Variants in ANO2 observed in about 807,000 individuals in gnomAD.
ANO2 encodes the protein anoctamin 2.
A neutral mutation model predicts 124.2 loss-of-function variants in ANO2; 101 were observed. The ratio of observed to expected loss-of-function variants is 0.81; its 90% confidence interval spans 0.69 to 0.96. ANO2 has a LOEUF of 0.96. Ranked by LOEUF, ANO2 falls within the 40% of genes least tolerant of loss-of-function variation. The pLI is 0.00. For missense variants in ANO2, 1,293 were observed against 1,274.5 expected (o/e 1.01, Z -0.22); for synonymous variants, 486 against 482.5 (o/e 1.01, Z -0.09).
At chr12:5,914,199 CAAAAAAGA>C (rs900322985) in intron 3 of ANO2, among the ~76,000 whole-genome samples, 7 of 26,550 alleles carry the variant, frequency 2.6e-4, no homozygotes, top group Admixed American at 1.2e-3. Flanking sequence ...GACTCCATCT[CAAAAAAGA>C]AAAAAAGAAA....
chr12:5,568,136 C>CTTTTTT (rs71445654), intron 23 of ANO2, among the ~76,000 whole-genome samples: 20 of 112,760 alleles, frequency 1.8e-4, no homozygotes, highest in East Asian at 2.3e-4. Context: ...CCACCCTATG[C>CTTTTTT]TTTTTTTTTT....
rs970846095 is a variant in ANO2, at chr12:5,904,761, T to C, written c.534+16279A>G. Reference sequence around the variant, plus strand: ...CCTGCTGGCTCCAGACCCATACACCTGTCTCAGGGGCAGTCCTGAGCAGAC... The same window carrying C: ...CCTGCTGGCTCCAGACCCATACACCCGTCTCAGGGGCAGTCCTGAGCAGAC... On this transcript the variant is annotated intron_variant, in intron 3 of 24. Coordinates refer to ENST00000682330, the MANE Select transcript of ANO2 (RefSeq NM_001364791.2). The surrounding 1 kb of genome is among the most constrained non-coding windows in gnomAD (Gnocchi z 4.1). 6.6e-6 allele frequency among the ~76,000 whole-genome samples: 1 copy of C among 152,166 alleles called. No homozygotes were observed. The highest frequency in any genetic ancestry group is 1.5e-5 in the Non-Finnish European group (1 of 68,038).
intron 2 of ANO2, among the ~76,000 whole-genome samples, chr12:5,921,935 C>G (rs1200986703): frequency 6.6e-6 from 1 of 152,150 alleles, no homozygotes; most frequent in African/African-American, 2.4e-5. Context: ...TATTTAAACA[C>G]AGAATACTCA....
Position 5,900,360 on chromosome 12 carries a change from C to T in ANO2, c.534+20680G>A, listed in dbSNP as rs1284472315. ...TCCGTTTCTGAGCCCCTCCTAGTCA[C>T]GAGAGATTTCACTTTCCATGCCCAG... On this transcript the variant is annotated intron_variant, in intron 3 of 24. Coordinates refer to ENST00000682330, the MANE Select transcript of ANO2 (RefSeq NM_001364791.2). This position sits in a 1 kb window ranked among gnomAD's most constrained non-coding sequence, Gnocchi z 4.2. Among the ~76,000 whole-genome samples the T allele has an allele frequency of 1.3e-5, 2 of 152,160 alleles. No homozygotes were observed. The highest frequency in any genetic ancestry group is 1.9e-4 in the East Asian group (1 of 5,196).
chr12:5,888,711 T>C (rs1030895993), intron 3 of ANO2, among the ~76,000 whole-genome samples: 10 of 152,098 alleles, frequency 6.6e-5, no homozygotes, highest in African/African-American at 2.4e-4. Context: ...CACAGGGTGC[T>C]GATTGGTGTG....
chr12:5,861,687 C>T (rs1955275472), intron 3 of ANO2, among the ~76,000 whole-genome samples: 1 of 152,120 alleles, frequency 6.6e-6, no homozygotes, highest in African/African-American at 2.4e-5. Flanking sequence ...GGGAATGGCG[C>T]TGTAAGGAAG....
chr12:5,736,193 T>C (rs560547736), intron 13 of ANO2, among the ~76,000 whole-genome samples: 1 of 152,284 alleles, frequency 6.6e-6, no homozygotes, highest in East Asian at 1.9e-4. Flanking sequence ...CCGTTGGGCT[T>C]GGTTGCTTCC....
At chr12:5,676,570 CT>C (rs969944017) in intron 14 of ANO2, among the ~76,000 whole-genome samples, 8 of 152,050 alleles carry the variant, frequency 5.3e-5, no homozygotes, top group African/African-American at 9.7e-5. Flanking sequence ...TTGTTCTTTG[CT>C]TTTTTTCTAA....
chr12:5,722,003 T>A (rs1326579368), intron 14 of ANO2, among the ~76,000 whole-genome samples: 1 of 152,220 alleles, frequency 6.6e-6, no homozygotes, highest in Non-Finnish European at 1.5e-5. Context: ...TATGCGTAAA[T>A]TGAAATAAAC....
At chr12:5,810,974 A>G (rs1953369955) in intron 7 of ANO2, among the ~76,000 whole-genome samples, 1 of 152,226 alleles carries the variant, frequency 6.6e-6, no homozygotes, top group African/African-American at 2.4e-5. Context: ...GAGACCTAGC[A>G]TTAAGCTTCA....
intron 1 of ANO2, among the ~76,000 whole-genome samples, chr12:5,923,219 CACACACAT>C (rs1941895918): frequency 6.8e-6 from 1 of 147,702 alleles, no homozygotes; most frequent in African/African-American, 2.5e-5. Context: ...CCCACATACA[CACACACAT>C]GCACACATAC....
intron 5 of ANO2, 39 bp downstream of exon 5, chr12:5,832,413 C>T: frequency 2.5e-6 from 4 of 1,611,714 alleles, no homozygotes; most frequent in Non-Finnish European, 3.4e-6. Flanking sequence ...TCCTTCCTAT[C>T]CCTTCCCACA....
intron 7 of ANO2, among the ~76,000 whole-genome samples, chr12:5,810,431 T>C (rs1953350642): frequency 6.6e-6 from 1 of 152,240 alleles, no homozygotes; most frequent in Admixed American, 6.5e-5. Flanking sequence ...TCTGATTTTT[T>C]TCTTTCTTTT....
In ANO2 at chr12:5,683,672, G is replaced by A. The variant is rs538045689; in HGVS notation, c.1546-35871C>T. ...CGTTTACTTATTTTAATTTTTTAAA[G>A]AAATCTTAGAGGAAACCTGGTGCTG... On this transcript the variant is annotated intron_variant, in intron 14 of 24. Coordinates refer to ENST00000682330, the MANE Select transcript of ANO2 (RefSeq NM_001364791.2). Among the ~76,000 whole-genome samples, 25 of 152,114 alleles carry A rather than the reference G, an allele frequency of 1.6e-4. 1 individual carries two copies. The South Asian group carries it at 5.2e-3, about 32-fold the overall frequency.
chr12:5,600,302 T>C (rs954639805), intron 19 of ANO2, among the ~76,000 whole-genome samples: 9 of 152,220 alleles, frequency 5.9e-5, no homozygotes, highest in African/African-American at 2.2e-4. Flanking sequence ...AAAAGGCAGC[T>C]ACCTGTAAGA....
intron 1 of ANO2, among the ~76,000 whole-genome samples, chr12:5,926,250 T>C (rs887186775): frequency 6.6e-6 from 1 of 152,134 alleles, no homozygotes; most frequent in Non-Finnish European, 1.5e-5. Context: ...TTCTTCACCC[T>C]TCCATGAGTC....
intron 9 of ANO2, among the ~76,000 whole-genome samples, chr12:5,803,533 G>T (rs1953107332): frequency 6.6e-6 from 1 of 152,174 alleles, no homozygotes; most frequent in South Asian, 2.1e-4. Flanking sequence ...AGTGGGTGAA[G>T]AAGCCACAGA....
intron 14 of ANO2, among the ~76,000 whole-genome samples, chr12:5,689,225 G>A (rs1253154578): frequency 6.6e-6 from 1 of 152,136 alleles, no homozygotes; most frequent in African/African-American, 2.4e-5. Context: ...ACTTGAGGCA[G>A]GTACATATCT....
chr12:5,567,306 C>A (rs1225723201), intron 23 of ANO2, among the ~76,000 whole-genome samples: 1 of 152,216 alleles, frequency 6.6e-6, no homozygotes, highest in Non-Finnish European at 1.5e-5. Flanking sequence ...TGGCCAGCTC[C>A]AGATTATCCT....
Sources: gnomAD v4.1 joint callset for allele counts (sites outside exome capture counted in the v4.1 genomes callset) on GRCh38, gnomAD v4.1.1 for gene constraint, Gnocchi (gnomAD v3.1) non-coding constraint, MANE v1.5 for transcripts, NCBI Gene and HGNC (gene_info 2026-07-23, HGNC 2026-07-21) for gene names.